The following MRPL30 variants were observed in gnomAD, a reference collection of about 807,000 sequenced individuals.
MRPL30 encodes large ribosomal subunit protein uL30m.
Under a neutral mutation model 17.2 loss-of-function variants are expected in MRPL30, and 10 were observed. That is an observed-to-expected ratio of 0.58 (90% CI 0.36 to 0.99). The LOEUF is 0.99. Ranked by LOEUF, MRPL30 falls within the 50% of genes least tolerant of loss-of-function variation. The pLI is 0.01. For synonymous variants in MRPL30, 61 were observed against 62.1 expected (o/e 0.98, Z 0.08); for missense variants, 170 against 189.8 (o/e 0.90, Z 0.61).
rs980950666 is a variant in MRPL30 at position 99,197,933 on chromosome 2, C to G, written c.*2228C>G. 6.6e-6 allele frequency among the ~76,000 whole-genome samples: 1 copy of G among 152,140 alleles called. No individual in the cohort carries two copies. Among genetic ancestry groups the G allele is most frequent in the South Asian group, 2.1e-4 (1 of 4,830 alleles). On this transcript the variant is annotated 3_prime_UTR_variant, in exon 6 of 6. Transcript: ENST00000338148. ...TGCTGGGAATACAGGTGTGAGCCAC[C>G]ATACCTGGCCTTACTGTACTAATAT...
rs1280161261 is a variant in MRPL30 at position 99,196,647 on chromosome 2, G to C, written c.*942G>C. The C allele has an allele frequency of 3.9e-5, 6 of 152,196 alleles. No homozygotes were observed. The highest frequency in any genetic ancestry group is 1.4e-4 in the African/African-American group (6 of 41,448). The allele number at this position is 152,196 out of a possible 1,614,324, so 9.4% of individuals were successfully genotyped here. A position where few individuals can be genotyped will look rare whatever the true frequency, so the allele number is the denominator to read the frequency against. The stretch of plus-strand genomic sequence containing the variant: ...TAAGTGAATTCAACAATTTCTGTGA[G>C]TGGCTCTTTGCATGAACACTGTGCA... On this transcript the variant is annotated 3_prime_UTR_variant, in exon 6 of 6. Transcript: ENST00000338148.
intron 1 of MRPL30, among the ~76,000 whole-genome samples, chr2:99,182,701 A>G (rs2093926913): frequency 6.6e-6 from 1 of 152,274 alleles, no homozygotes; most frequent in South Asian, 2.1e-4. Flanking sequence ...AAAAACTTGT[A>G]ACTTTTGACT....
intron 3 of MRPL30, among the ~76,000 whole-genome samples, chr2:99,191,207 A>G (rs1271338167): frequency 6.6e-6 from 1 of 152,026 alleles, no homozygotes; most frequent in Non-Finnish European, 1.5e-5. Context: ...GGGTTTCACC[A>G]TGCTGGCCAG....
At chr2:99,193,673 G>A (rs888625174) in intron 3 of MRPL30, among the ~76,000 whole-genome samples, 1 of 152,138 alleles carries the variant, frequency 6.6e-6, no homozygotes, top group African/African-American at 2.4e-5. Flanking sequence ...ATCATTCAAT[G>A]TGAAGACCTG....
At position 99,199,288 on chromosome 2, in the gene MRPL30, T is replaced by G. The variant is rs989129430; in HGVS notation, c.*3583T>G. On this transcript the variant is annotated 3_prime_UTR_variant, in exon 6 of 6. Transcript: ENST00000338148. ...CCATTTGCCACTCTTTGTGTATATT[T>G]GTCAAAATCTGCTTTTCTATATCAA... Among the ~76,000 whole-genome samples, 32 of 152,184 alleles carry G rather than the reference T, an allele frequency of 2.1e-4. No individual in the cohort carries two copies. The highest frequency in any genetic ancestry group is 7.5e-4 in the African/African-American group (31 of 41,452).
In MRPL30 at chr2:99,195,175, T is replaced by C; in HGVS notation, c.339T>C (p.Val113=). The C allele has an allele frequency of 6.2e-7, 1 of 1,607,474 alleles. No homozygotes were observed. The highest frequency in any genetic ancestry group is 8.5e-7 in the Non-Finnish European group (1 of 1,176,830). Reference sequence around the variant, plus strand: ...CAGTGAATGCAAAATTGAAAGTAGTTAAGCATTTGATAAGGTTTGTTGTTT... The same window carrying C: ...CAGTGAATGCAAAATTGAAAGTAGTCAAGCATTTGATAAGGTTTGTTGTTT... The part of the protein sequence containing the change: ...IPSVNAKLKV[V]KHLIRIKPLK... Residue 113 remains valine, a synonymous_variant, in exon 5 of 6, where the codon GTT becomes GTC. Transcript: ENST00000338148.
At chr2:99,183,358 C>T (rs2093928900) in intron 1 of MRPL30, among the ~76,000 whole-genome samples, 1 of 152,132 alleles carries the variant, frequency 6.6e-6, no homozygotes, top group Admixed American at 6.6e-5. Flanking sequence ...CACCTGAGGT[C>T]AGGAGTTCAA....
In MRPL30 at chr2:99,186,163, C is replaced by T. The variant is rs751159852; in HGVS notation, c.-27-14C>T. ...ACATAGTTGACTGATGGGTCTACTT[C>T]CTACTTCCCACAGCCTCTAAAGAGA... On this transcript the variant is annotated splice_polypyrimidine_tract_variant and intron_variant, in intron 1 of 5. Transcript: ENST00000338148. 1.3e-6 allele frequency: 2 copies of T among 1,596,008 alleles called. No individual in the cohort carries two copies. Among genetic ancestry groups the T allele is most frequent in the Non-Finnish European group, 1.7e-6 (2 of 1,164,390 alleles).
chr2:99,181,440 C>T (rs1370214102), intron 1 of MRPL30, among the ~76,000 whole-genome samples, 191 bp downstream of exon 1: 1 of 152,180 alleles, frequency 6.6e-6, no homozygotes, highest in African/African-American at 2.4e-5. Context: ...CCCCCGTTTC[C>T]CAATTTGCAG....
At chr2:99,188,306 G>A in intron 3 of MRPL30, 49 bp downstream of exon 3, 1 of 1,367,098 alleles carries the variant, frequency 7.3e-7, no homozygotes, top group Non-Finnish European at 1.0e-6. Context: ...TTTAAAAAAT[G>A]TTTTAAGTGG....
chr2:99,197,999 T>C lies in MRPL30; in HGVS notation c.*2294T>C, dbSNP rs903754147. 6.6e-6 allele frequency among the ~76,000 whole-genome samples: 1 copy of C among 152,228 alleles called. No homozygotes were observed. The highest frequency in any genetic ancestry group is 1.5e-5 in the Non-Finnish European group (1 of 68,044). On this transcript the variant is annotated 3_prime_UTR_variant, in exon 6 of 6. Transcript: ENST00000338148. ...AGGGGAAAATACCATGGTTAATTTTTACTCAAACAGTAAGAAAGTTTGAGT... is the reference window on the plus strand; with the variant it reads ...AGGGGAAAATACCATGGTTAATTTTCACTCAAACAGTAAGAAAGTTTGAGT...
At chr2:99,189,060 G>A (rs1266634342) in intron 3 of MRPL30, among the ~76,000 whole-genome samples, 1 of 152,106 alleles carries the variant, frequency 6.6e-6, no homozygotes, top group Non-Finnish European at 1.5e-5. Context: ...AACATTGATT[G>A]GGAAGTATGG....
intron 2 of MRPL30, among the ~76,000 whole-genome samples, chr2:99,187,875 T>C (rs551264412): frequency 5.3e-5 from 8 of 151,996 alleles, no homozygotes; most frequent in Non-Finnish European, 8.8e-5. Context: ...GCTTTTACCC[T>C]GTGATGGCCA....
intron 1 of MRPL30, among the ~76,000 whole-genome samples, chr2:99,183,120 A>G (rs2105240581): frequency 6.6e-6 from 1 of 152,186 alleles, no homozygotes; most frequent in Non-Finnish European, 1.5e-5. Context: ...CAGGAGAGGG[A>G]ATGGTCAGTC....
At chr2:99,192,161 A>G (rs372068221) in intron 3 of MRPL30, among the ~76,000 whole-genome samples, 2 of 152,314 alleles carry the variant, frequency 1.3e-5, no homozygotes, top group East Asian at 1.9e-4. Flanking sequence ...AGGAGGAAAG[A>G]GTAGAATACG....
rs1347538936 is a variant in MRPL30, at chr2:99,181,311, C to T, written c.-28+62C>T. On this transcript the variant is annotated intron_variant, in intron 1 of 5. Transcript: ENST00000338148. ...TTCGCAAGGTGTATCCGGGAACCCT[C>T]TGCAGATCCTAATTGATTTTCCCTA... is the stretch of plus-strand genomic sequence containing the variant. The T allele has an allele frequency of 2.0e-5, 5 of 255,300 alleles. No homozygotes were observed. In the East Asian group the frequency reaches 5.0e-4, roughly 26 times the overall value. 15.8% of individuals were successfully genotyped at this position (255,300 alleles called of 1,614,324 possible).
chr2:99,191,738 T>C (rs969790187), intron 3 of MRPL30, among the ~76,000 whole-genome samples: 6 of 152,198 alleles, frequency 3.9e-5, no homozygotes, highest in African/African-American at 9.6e-5. Context: ...GCAAATCTCA[T>C]AGAAACATGG....
intron 3 of MRPL30, among the ~76,000 whole-genome samples, chr2:99,189,677 A>G (rs987971649): frequency 2.6e-5 from 4 of 152,212 alleles, no homozygotes; most frequent in African/African-American, 9.6e-5. Flanking sequence ...GCTGGATTGT[A>G]TGGTAAAGAC....
rs1475431304 is a variant in MRPL30 at position 99,196,419 on chromosome 2, G to A, written c.*714G>A. 7 of 152,294 alleles carry A rather than the reference G, an allele frequency of 4.6e-5. No homozygotes were observed. In the South Asian group the frequency reaches 6.2e-4, roughly 14 times the overall value. 9.4% of individuals were successfully genotyped at this position (152,294 alleles called of 1,614,324 possible). Reference sequence around the variant, plus strand: ...AGGCTCAAGTGATCCTCCCACCTCAGCCTCCAGAGTAGCTAGGACTACAGG... The same window carrying A: ...AGGCTCAAGTGATCCTCCCACCTCAACCTCCAGAGTAGCTAGGACTACAGG... On this transcript the variant is annotated 3_prime_UTR_variant, in exon 6 of 6. Coordinates refer to ENST00000338148, the MANE Select transcript of MRPL30 (RefSeq NM_145212.4).
Sources: gnomAD v4.1 joint callset for allele counts (sites outside exome capture counted in the v4.1 genomes callset) on GRCh38, gnomAD v4.1.1 for gene constraint, MANE v1.5 for transcripts, NCBI Gene and HGNC (gene_info 2026-07-23, HGNC 2026-07-21) for gene names.